DENND1A: variants seen among roughly 807,000 people sequenced by gnomAD.
The protein encoded by DENND1A is DENN domain-containing protein 1A.
In DENND1A, 51 loss-of-function variants were observed where a neutral mutation model predicts 113.7. The observed-to-expected ratio is 0.45, with a 90% CI of 0.36 to 0.57. DENND1A has a LOEUF of 0.57. DENND1A is among the 20% of genes least tolerant of loss of function. The probability of loss-of-function intolerance (pLI) is 0.00; values close to 1 mark genes in which losing one functional copy is unlikely to be tolerated. For synonymous variants in DENND1A, 565 were observed against 570.8 expected (o/e 0.99, Z 0.14); for missense variants, 1,258 against 1,395.9 (o/e 0.90, Z 1.57).
At chr9:123,701,000 T>C (rs2065851756) in intron 5 of DENND1A, among the ~76,000 whole-genome samples, 1 of 152,256 alleles carries the variant, frequency 6.6e-6, no homozygotes, top group Admixed American at 6.5e-5. Flanking sequence ...GAACTTACAA[T>C]TTTAATACCA....
Position 123,380,615 on chromosome 9 carries a change from C to T in DENND1A, c.*817G>A, listed in dbSNP as rs1447610944. On this transcript the variant is annotated 3_prime_UTR_variant, in exon 24 of 24. Coordinates refer to ENST00000394215, the MANE Select transcript of DENND1A (RefSeq NM_001352964.2). Reference sequence around the variant, plus strand: ...CTCCAGATGACAAGAGGCTGAGCCCCAGCTTTGACAGTGAGGGGAGTACCT... The same window carrying T: ...CTCCAGATGACAAGAGGCTGAGCCCTAGCTTTGACAGTGAGGGGAGTACCT... The T allele has an allele frequency of 6.6e-6, 1 of 152,474 alleles. No homozygotes were observed. Among genetic ancestry groups the T allele is most frequent in the Non-Finnish European group, 1.5e-5 (1 of 68,062 alleles). 9.4% of individuals were successfully genotyped at this position (152,474 alleles called of 1,614,324 possible). A position where few individuals can be genotyped will look rare whatever the true frequency, so the allele number is the denominator to read the frequency against.
intron 12 of DENND1A, among the ~76,000 whole-genome samples, chr9:123,565,313 G>A (rs12340087): frequency 1.3e-5 from 2 of 152,228 alleles, no homozygotes; most frequent in South Asian, 4.1e-4. Flanking sequence ...TCTTCTATTA[G>A]ACTGACCAGT....
At chr9:123,546,188 G>C (rs1233989088) in intron 13 of DENND1A, among the ~76,000 whole-genome samples, 3 of 152,096 alleles carry the variant, frequency 2.0e-5, no homozygotes, top group Admixed American at 6.5e-5. Flanking sequence ...TTACACATTC[G>C]TGATGTGGTG....
intron 12 of DENND1A, among the ~76,000 whole-genome samples, chr9:123,573,832 T>C (rs768855921): frequency 2.6e-4 from 39 of 152,060 alleles, no homozygotes; most frequent in Admixed American, 1.3e-4. Context: ...GCAGATACCT[T>C]TCTTTCATTC....
At chr9:123,451,071 G>A (rs542179158) in intron 17 of DENND1A, among the ~76,000 whole-genome samples, 12 of 152,104 alleles carry the variant, frequency 7.9e-5, no homozygotes, top group South Asian at 2.1e-4. Context: ...GTAAGAGTAC[G>A]GCAGCCGTAT....
Position 123,842,592 on chromosome 9 carries a change from T to C in DENND1A, c.88+36359A>G, listed in dbSNP as rs969768576. 3.3e-5 allele frequency among the ~76,000 whole-genome samples: 5 copies of C among 151,718 alleles called. No homozygotes were observed. The South Asian group carries it at 1.0e-3, about 32-fold the overall frequency. ...AACTGATTTAAGAAGAAACAGAAAA[T>C]CTGAATAGACCTATAGCAAGAGATT... On this transcript the variant is annotated intron_variant, in intron 2 of 23. Transcript: ENST00000394215.
chr9:123,697,440 T>C (rs1564968212), intron 5 of DENND1A, among the ~76,000 whole-genome samples: 1 of 152,226 alleles, frequency 6.6e-6, no homozygotes, highest in African/African-American at 2.4e-5. Flanking sequence ...CTTGGTTACA[T>C]GAGTAAGTTC....
chr9:123,669,763 T>G (rs961464183), intron 7 of DENND1A, among the ~76,000 whole-genome samples: 4 of 152,254 alleles, frequency 2.6e-5, no homozygotes, highest in Non-Finnish European at 4.4e-5. Flanking sequence ...TTTCATCTTT[T>G]CCAGATGGTC....
At chr9:123,625,696 A>T (rs2061178263) in intron 10 of DENND1A, among the ~76,000 whole-genome samples, 1 of 152,218 alleles carries the variant, frequency 6.6e-6, no homozygotes, top group Admixed American at 6.5e-5. Context: ...GTGAGCCAAG[A>T]TCGTGCCACT....
intron 2 of DENND1A, among the ~76,000 whole-genome samples, chr9:123,864,125 GAAGA>G (rs1452951569): frequency 1.4e-4 from 21 of 152,068 alleles, no homozygotes. Context: ...TGATGTGACA[GAAGA>G]AAGAAAACTA....
intron 2 of DENND1A, among the ~76,000 whole-genome samples, chr9:123,868,743 T>A (rs1401460281): frequency 1.3e-5 from 2 of 152,210 alleles, no homozygotes; most frequent in Non-Finnish European, 2.9e-5. Context: ...TCATAATTTA[T>A]ACCCAGATGG....
At chr9:123,844,569 A>G (rs1842312310) in intron 2 of DENND1A, among the ~76,000 whole-genome samples, 1 of 152,204 alleles carries the variant, frequency 6.6e-6, no homozygotes, top group Non-Finnish European at 1.5e-5. Flanking sequence ...AAAACCCTAA[A>G]CATTACCTTA....
chr9:123,524,418 A>C, intron 13 of DENND1A, among the ~76,000 whole-genome samples: 1 of 152,250 alleles, frequency 6.6e-6, no homozygotes, highest in Non-Finnish European at 1.5e-5. Flanking sequence ...CTGCAAACGC[A>C]AAAGCCTTCA....
intron 5 of DENND1A, among the ~76,000 whole-genome samples, chr9:123,699,120 A>G (rs2065713475): frequency 6.6e-6 from 1 of 152,104 alleles, no homozygotes; most frequent in Non-Finnish European, 1.5e-5. Context: ...CATAAGGATT[A>G]AATAATACAA....
At position 123,448,687 on chromosome 9, in the gene DENND1A, G is replaced by A. The variant is rs932307150; in HGVS notation, c.1356+2006C>T. On this transcript the variant is annotated intron_variant, in intron 18 of 23. Transcript: ENST00000394215. ...TCTGGCAGGGTGCAAACAGACTACAGTTTAAGGTCTATCTGGATTTACATT... is the reference window on the plus strand; with the variant it reads ...TCTGGCAGGGTGCAAACAGACTACAATTTAAGGTCTATCTGGATTTACATT... Among the ~76,000 whole-genome samples, 4 of 152,328 alleles carry A rather than the reference G, an allele frequency of 2.6e-5. No homozygotes were observed. The East Asian group carries it at 5.8e-4, about 22-fold the overall frequency.
At chr9:123,609,190 GC>G (rs763620969) in intron 11 of DENND1A, among the ~76,000 whole-genome samples, 1 of 152,076 alleles carries the variant, frequency 6.6e-6, no homozygotes, top group Non-Finnish European at 1.5e-5. Flanking sequence ...CTTTCCTCCT[GC>G]CTCCTTGACT....
rs563586754 is a variant in DENND1A, at chr9:123,652,082, G to A, written c.549C>T (p.Asn183=). Residue 183 remains asparagine (N), a synonymous_variant, in exon 9 of 24, where the codon AAC becomes AAT. Coordinates refer to ENST00000394215, the MANE Select transcript of DENND1A (RefSeq NM_001352964.2). ...TEYFVAVDVN[N]MLHLYASMLY... ...GCATACTGGCGTACAGATGCAACAT[G>A]TTGTTAACATCCACAGCCACAAAAT... The A allele has an allele frequency of 8.1e-6, 13 of 1,614,164 alleles. No homozygotes were observed. Among genetic ancestry groups the A allele is most frequent in the Admixed American group, 6.7e-5 (4 of 60,034 alleles).
chr9:123,619,242 C>T (rs974287806), intron 10 of DENND1A, among the ~76,000 whole-genome samples: 1 of 152,160 alleles, frequency 6.6e-6, no homozygotes, highest in Non-Finnish European at 1.5e-5. Flanking sequence ...CCACCGCACC[C>T]AGCCTAAAAA....
chr9:123,697,017 C>T (rs1264334357), intron 5 of DENND1A, among the ~76,000 whole-genome samples: 4 of 152,098 alleles, frequency 2.6e-5, no homozygotes, highest in African/African-American at 7.2e-5. Flanking sequence ...TAAATTTAAC[C>T]GGCAATTTGG....
Sources: allele counts gnomAD v4.1 joint callset (sites outside exome capture counted in the v4.1 genomes callset), GRCh38; gene constraint gnomAD v4.1.1; transcripts MANE v1.5; gene names NCBI Gene and HGNC (gene_info 2026-07-23, HGNC 2026-07-21).